The following BRWD3 variants were observed in gnomAD, a reference collection of about 807,000 sequenced individuals.
BRWD3 encodes bromodomain and WD repeat domain containing 3.
In BRWD3, 10 loss-of-function variants were observed where a neutral mutation model predicts 149.7. The ratio of observed to expected loss-of-function variants is 0.07; its 90% CI spans 0.04 to 0.11. The LOEUF (loss-of-function observed/expected upper bound fraction) is 0.11. Ranked by LOEUF, BRWD3 falls within the 10% of genes least tolerant of loss-of-function variation. The pLI is 1.00. For synonymous variants in BRWD3, 504 were observed against 456.7 expected, an observed-to-expected ratio of 1.10 and a Z score of -1.32; for missense variants, 940 against 1,373.2, an observed-to-expected ratio of 0.68 and a Z score of 4.99.
intron 14 of BRWD3, among the ~76,000 whole-genome samples, chrX:80,725,450 C>T (rs1017704827): frequency 8.9e-6 from 1 of 112,024 alleles, no homozygotes; most frequent in Non-Finnish European, 1.9e-5. Context: ...GCACTCTATT[C>T]TCTATTACTG....
Position 80,690,104 on chromosome X carries a change from A to G in BRWD3, c.3603-12T>C. The G allele has an allele frequency of 1.7e-6, 2 of 1,204,537 alleles. No individual in the cohort carries two copies. Among genetic ancestry groups the G allele is most frequent in the Non-Finnish European group, 2.2e-6 (2 of 889,557 alleles). On this transcript the variant is annotated splice_polypyrimidine_tract_variant and intron_variant, in intron 31 of 40. Coordinates refer to ENST00000373275, the MANE Select transcript of BRWD3 (RefSeq NM_153252.5). ...ATGCTGATATTCTCCTGTGAAAGAA[A>G]AAATACTCTGTTAGCCTTGGCTAAT... is the stretch of plus-strand genomic sequence containing the variant.
At chrX:80,686,824 T>A in intron 35 of BRWD3, 39 bp downstream of exon 35, 2 of 1,196,495 alleles carry the variant, frequency 1.7e-6, no homozygotes, top group Non-Finnish European at 2.3e-6. Context: ...TTATGGGAAA[T>A]TATCATACTG....
chrX:80,736,654 C>T (rs186419868), intron 8 of BRWD3, among the ~76,000 whole-genome samples: 4 of 109,993 alleles, frequency 3.6e-5, no homozygotes, highest in Admixed American at 2.9e-4. Context: ...TAGTTCAAAT[C>T]GTTATTCGTA....
chrX:80,713,285 G>T, intron 20 of BRWD3, among the ~76,000 whole-genome samples: 2 of 111,847 alleles, frequency 1.8e-5, no homozygotes, highest in Non-Finnish European at 3.8e-5. Context: ...GAAATCGGAT[G>T]GTTGCTGTGT....
rs1284646249 is a variant in BRWD3 at position 80,677,437 on chromosome X, T to C, written c.4655-74A>G. The C allele has an allele frequency of 7.1e-6, 8 of 1,122,705 alleles. No homozygotes were observed. The East Asian group carries it at 2.2e-4, about 30-fold the overall frequency. The allele number at this position is 1,122,705 out of a possible 1,213,427, so 92.5% of individuals were successfully genotyped here. A position where few individuals can be genotyped will look rare whatever the true frequency, so the allele number is the denominator to read the frequency against. On this transcript the variant is annotated intron_variant, in intron 40 of 40. Coordinates refer to ENST00000373275, the MANE Select transcript of BRWD3 (RefSeq NM_153252.5). The stretch of plus-strand genomic sequence containing the variant: ...AATGGTTATTTAGGTTCAAAAACAG[T>C]CTACAGTTCCCAAAAATATGTGGAA...
In BRWD3 at chrX:80,804,120, G is replaced by C. The variant is rs761640848; in HGVS notation, c.180+4419C>G. Among the ~76,000 whole-genome samples, 11 of 112,179 alleles carry C rather than the reference G, an allele frequency of 9.8e-5. No homozygotes were observed. The East Asian group carries it at 2.5e-3, about 25-fold the overall frequency. ...CTAGTATTTTGCATATAAAATGAGGGTAATACAATCTATGTCATTCCAAAT... is the reference window on the plus strand; with the variant it reads ...CTAGTATTTTGCATATAAAATGAGGCTAATACAATCTATGTCATTCCAAAT... On this transcript the variant is annotated intron_variant, in intron 4 of 40. Coordinates refer to ENST00000373275, the MANE Select transcript of BRWD3 (RefSeq NM_153252.5).
chrX:80,733,124 C>G, intron 12 of BRWD3: 1 of 130,173 alleles, frequency 7.7e-6, no homozygotes. Context: ...AGCAAGACAC[C>G]GTCTCAAAAA....
At chrX:80,713,239 G>A (rs1173912315) in intron 20 of BRWD3, among the ~76,000 whole-genome samples, 6 of 111,447 alleles carry the variant, frequency 5.4e-5, no homozygotes, top group Non-Finnish European at 1.1e-4. Context: ...GCGGTTTTGT[G>A]GAATAGAAAA....
chrX:80,791,833 A>C, intron 6 of BRWD3, 21 bp downstream of exon 6: 2 of 1,097,492 alleles, frequency 1.8e-6, no homozygotes, highest in Non-Finnish European at 2.5e-6. Context: ...TCTGTTTATA[A>C]CACACAGGTA....
At chrX:80,736,720 G>C (rs2073410114) in intron 8 of BRWD3, among the ~76,000 whole-genome samples, 1 of 110,641 alleles carries the variant, frequency 9.0e-6, no homozygotes, top group Admixed American at 9.7e-5. Flanking sequence ...TGTCAATACA[G>C]AGGACTACTA....
intron 39 of BRWD3, 62 bp downstream of exon 39, chrX:80,681,935 T>C: frequency 3.2e-6 from 3 of 945,102 alleles, no homozygotes; most frequent in South Asian, 3.9e-5. Flanking sequence ...CTGCCTCTTC[T>C]ATATCCTTAA....
chrX:80,721,908 G>A (rs773802570), intron 17 of BRWD3, among the ~76,000 whole-genome samples: 5 of 111,786 alleles, frequency 4.5e-5, no homozygotes, highest in South Asian at 7.5e-4. Flanking sequence ...GTGCAGTGGC[G>A]CAATCTTGGC....
chrX:80,786,807 G>T (rs2074113065), intron 6 of BRWD3, among the ~76,000 whole-genome samples: 1 of 112,221 alleles, frequency 8.9e-6, no homozygotes, highest in South Asian at 3.6e-4. Flanking sequence ...ACAGCGCCCA[G>T]CCTAATCCAC....
intron 5 of BRWD3, 25 bp downstream of exon 5, chrX:80,793,597 C>T (rs2074206514): frequency 3.3e-6 from 4 of 1,198,158 alleles, no homozygotes; most frequent in Non-Finnish European, 4.5e-6. Context: ...TCTGATATCA[C>T]AGTCCTAAAT....
chrX:80,799,263 C>T (rs1234492759), intron 4 of BRWD3, among the ~76,000 whole-genome samples: 1 of 111,529 alleles, frequency 9.0e-6, no homozygotes, highest in African/African-American at 3.3e-5. Context: ...TCCAGCTGGG[C>T]ACTGAATAAA....
intron 23 of BRWD3, 72 bp from the exon 24 acceptor site, chrX:80,703,665 G>C: frequency 1.4e-6 from 1 of 739,784 alleles, no homozygotes; most frequent in Non-Finnish European, 2.0e-6. Flanking sequence ...ATAAACAATA[G>C]TATGAAAAAT....
Position 80,688,111 on chromosome X carries a change from A to C in BRWD3, c.3822T>G (p.Val1274=). The C allele has an allele frequency of 8.3e-7, 1 of 1,201,850 alleles. No homozygotes were observed. Among genetic ancestry groups the C allele is most frequent in the Non-Finnish European group, 1.1e-6 (1 of 886,703 alleles). The change falls in exon 34 of 41, where the codon GTT becomes GTG. Residue 1274 remains valine (V), a synonymous_variant. Coordinates refer to ENST00000373275, the MANE Select transcript of BRWD3 (RefSeq NM_153252.5). ...TACCAGGACCGTCTGAATCTAAATC[A>C]ACAATTTCTGTATCCTTAATTAAAA... ...STDAEEDTEI[V]DLDSDGPGTS...
chrX:80,761,390 A>C (rs769222181), intron 6 of BRWD3, among the ~76,000 whole-genome samples: 6 of 112,435 alleles, frequency 5.3e-5, no homozygotes, highest in South Asian at 7.3e-4. Context: ...ATTAGACCAA[A>C]ATAAAAAGAC....
At chrX:80,746,351 A>AT (rs2073592745) in intron 6 of BRWD3, among the ~76,000 whole-genome samples, 1 of 110,882 alleles carries the variant, frequency 9.0e-6, no homozygotes, top group African/African-American at 3.3e-5. Flanking sequence ...TGAACTTTAA[A>AT]GGCTTCATCT....
Sources: allele counts gnomAD v4.1 joint callset (sites outside exome capture counted in the v4.1 genomes callset), GRCh38; gene constraint gnomAD v4.1.1; transcripts MANE v1.5; gene names NCBI Gene and HGNC (gene_info 2026-07-23, HGNC 2026-07-21).